Variants in TCF12 observed in about 807,000 individuals in gnomAD.
TCF12 encodes transcription factor 12.
In TCF12, 45 loss-of-function variants were observed where a neutral mutation model predicts 86.0. The observed-to-expected ratio is 0.52, with a 90% confidence interval of 0.41 to 0.67. The LOEUF is 0.67. Ranked by LOEUF, TCF12 falls within the 30% of genes least tolerant of loss-of-function variation. The probability of loss-of-function intolerance (pLI) is 0.00; values close to 1 mark genes in which losing one functional copy is unlikely to be tolerated. For synonymous variants in TCF12, 330 were observed against 299.6 expected, an observed-to-expected ratio of 1.10 and a Z score of -1.05; for missense variants, 881 against 859.9, an observed-to-expected ratio of 1.02 and a Z score of -0.31.
At chr15:57,202,397 C>T (rs1212544485) in intron 8 of TCF12, among the ~76,000 whole-genome samples, 1 of 151,390 alleles carries the variant, frequency 6.6e-6, no homozygotes, top group Non-Finnish European at 1.5e-5. Flanking sequence ...CACAGACTTC[C>T]CAATTAAGCA....
intron 7 of TCF12, among the ~76,000 whole-genome samples, chr15:57,197,152 C>CTCTTTTTTTTTT (rs2057305603): frequency 1.1e-5 from 1 of 87,260 alleles, no homozygotes; most frequent in Non-Finnish European, 2.1e-5. Flanking sequence ...AGAACAGCTT[C>CTCTTTTTTTTTT]TTTTTTTTTT....
rs1231893040 is a variant in TCF12, at chr15:56,965,777, G to T, written c.148+44679G>T. Among the ~76,000 whole-genome samples, 3 of 152,158 alleles carry T rather than the reference G, an allele frequency of 2.0e-5. No individual in the cohort carries two copies. In the South Asian group the frequency reaches 6.2e-4, roughly 32 times the overall value. Reference sequence around the variant, plus strand: ...TTTGCAGGATAGTTATTCTCTTATTGCAAGTCGAGTGAAAAAAACTCTTGC... The same window carrying T: ...TTTGCAGGATAGTTATTCTCTTATTTCAAGTCGAGTGAAAAAAACTCTTGC... On this transcript the variant is annotated intron_variant, in intron 3 of 20. Coordinates refer to ENST00000333725, the MANE Select transcript of TCF12 (RefSeq NM_207037.2).
At chr15:57,126,888 T>C (rs1327364864) in intron 5 of TCF12, among the ~76,000 whole-genome samples, 1 of 152,238 alleles carries the variant, frequency 6.6e-6, no homozygotes, top group African/African-American at 2.4e-5. Flanking sequence ...ATTTTGTGTC[T>C]TGGGAACATG....
chr15:56,919,469 A>G (rs1372314392), intron 1 of TCF12: 2 of 154,812 alleles, frequency 1.3e-5, no homozygotes, highest in African/African-American at 4.8e-5. Context: ...CGAGCGAGTG[A>G]GTCACTTCGC....
At chr15:57,109,917 G>A (rs929175837) in intron 5 of TCF12, among the ~76,000 whole-genome samples, 1 of 152,222 alleles carries the variant, frequency 6.6e-6, no homozygotes, top group Middle Eastern at 3.4e-3. Context: ...AAATTAAAGC[G>A]GTTAGAATTG....
At position 56,936,856 on chromosome 15, in the gene TCF12, A is replaced by T. The variant is rs1186250409; in HGVS notation, c.148+15758A>T. 2.0e-5 allele frequency among the ~76,000 whole-genome samples: 3 copies of T among 152,152 alleles called. No individual in the cohort carries two copies. The East Asian group carries it at 5.8e-4, about 29-fold the overall frequency. ...GTGTGCTTATTTTTATACTAGTACC[A>T]TGCTGTTATGGTGACTATGGCCTTA... On this transcript the variant is annotated intron_variant, in intron 3 of 20. Transcript: ENST00000333725.
chr15:57,005,361 TATGA>T (rs1365124307), intron 3 of TCF12, among the ~76,000 whole-genome samples: 1 of 152,142 alleles, frequency 6.6e-6, no homozygotes, highest in Non-Finnish European at 1.5e-5. Context: ...CCTAGATTTA[TATGA>T]TTGTGGTATT....
chr15:57,024,209 A>G (rs1206932585), intron 3 of TCF12, among the ~76,000 whole-genome samples: 12 of 142,794 alleles, frequency 8.4e-5, no homozygotes, highest in Non-Finnish European at 1.5e-4. Context: ...CATACTCAAA[A>G]AAGTGTCTTT....
Position 57,232,479 on chromosome 15 carries a change from G to A in TCF12, c.825+49G>A, listed in dbSNP as rs149892492. 8.8e-3 allele frequency: 13,557 copies of A among 1,536,634 alleles called. 69 individuals are homozygous for A. The highest frequency in any genetic ancestry group is 9.8e-3 in the Non-Finnish European group (11,248 of 1,148,660). ...GTACAGCAACACTTTGTCCTCACTT[G>A]TGTTTCTTTTTGGATTAGAAGTGTA... On this transcript the variant is annotated intron_variant, in intron 10 of 20. Transcript: ENST00000333725.
In TCF12 at chr15:57,008,569, A is replaced by T. The variant is rs114343670; in HGVS notation, c.149-55181A>T. 7.3e-3 allele frequency among the ~76,000 whole-genome samples: 1,107 copies of T among 152,282 alleles called. 15 individuals are homozygous for T. The highest frequency in any genetic ancestry group is 0.025 in the African/African-American group (1,056 of 41,558). On this transcript the variant is annotated intron_variant, in intron 3 of 20. Coordinates refer to ENST00000333725, the MANE Select transcript of TCF12 (RefSeq NM_207037.2). ...GTTTTTCTTGAAGCCATCATGATTA[A>T]TGAATGCTTATTTTTAAATTTTCTT...
At chr15:56,935,156 C>G (rs1217787449) in intron 3 of TCF12, among the ~76,000 whole-genome samples, 1 of 152,166 alleles carries the variant, frequency 6.6e-6, no homozygotes, top group African/African-American at 2.4e-5. Flanking sequence ...GCTGTGTAAT[C>G]TGTTGCTTTG....
chr15:57,148,828 ACTGTGC>A (rs2053552179), intron 5 of TCF12, among the ~76,000 whole-genome samples: 1 of 152,104 alleles, frequency 6.6e-6, no homozygotes, highest in South Asian at 2.1e-4. Context: ...GTGAGCCAGG[ACTGTGC>A]CACTGCACTG....
intron 5 of TCF12, among the ~76,000 whole-genome samples, chr15:57,110,524 T>C (rs1452009741): frequency 6.6e-6 from 1 of 152,238 alleles, no homozygotes; most frequent in Non-Finnish European, 1.5e-5. Context: ...CATTAATTAT[T>C]TTCTCTGACT....
chr15:56,946,040 C>T (rs1371822205), intron 3 of TCF12, among the ~76,000 whole-genome samples: 5 of 152,152 alleles, frequency 3.3e-5, no homozygotes, highest in African/African-American at 1.2e-4. Context: ...CATTTCTTTT[C>T]TTTATAAATT....
chr15:57,249,001 C>T (rs918215300), intron 13 of TCF12, among the ~76,000 whole-genome samples: 3 of 152,112 alleles, frequency 2.0e-5, no homozygotes, highest in Non-Finnish European at 4.4e-5. Context: ...GATCAGGCTT[C>T]TGTTACGGGG....
chr15:56,985,824 C>G (rs1273689764), intron 3 of TCF12, among the ~76,000 whole-genome samples: 1 of 152,092 alleles, frequency 6.6e-6, no homozygotes, highest in African/African-American at 2.4e-5. Flanking sequence ...AACTCAGTGA[C>G]TAAAAATTTA....
intron 16 of TCF12, among the ~76,000 whole-genome samples, chr15:57,258,420 C>G (rs762900747): frequency 2.0e-5 from 3 of 152,038 alleles, no homozygotes; most frequent in Non-Finnish European, 4.4e-5. Context: ...ATCAAAACAC[C>G]TTTCTCTTTA....
chr15:56,986,479 T>G (rs554337905), intron 3 of TCF12, among the ~76,000 whole-genome samples: 1 of 152,222 alleles, frequency 6.6e-6, no homozygotes, highest in Non-Finnish European at 1.5e-5. Context: ...TATGTCCTGT[T>G]GTAAGTAGCT....
chr15:56,929,031 T>G (rs2060134901), intron 3 of TCF12, among the ~76,000 whole-genome samples: 1 of 152,228 alleles, frequency 6.6e-6, no homozygotes, highest in South Asian at 2.1e-4. Context: ...GTACATTTTA[T>G]TTTCTACTTG....
Sources: allele counts gnomAD v4.1 joint callset (sites outside exome capture counted in the v4.1 genomes callset), GRCh38; gene constraint gnomAD v4.1.1; transcripts MANE v1.5; gene names NCBI Gene and HGNC (gene_info 2026-07-23, HGNC 2026-07-21).